Variants in TOM1L2 observed in about 807,000 individuals in gnomAD.
TOM1L2 encodes target of myb1 like 2 membrane trafficking protein.
A neutral mutation model predicts 67.9 loss-of-function variants in TOM1L2; 31 were observed. That is an observed-to-expected ratio of 0.46 (90% CI 0.34 to 0.62). The LOEUF (loss-of-function observed/expected upper bound fraction) is 0.62. Among genes scored for constraint, TOM1L2 ranks in the 20% least tolerant of loss-of-function variants. TOM1L2 has a pLI of 0.01. For missense variants in TOM1L2, 606 were observed against 663.5 expected, an observed-to-expected ratio of 0.91 and a Z score of 0.95; for synonymous variants, 256 against 254.0, an observed-to-expected ratio of 1.01 and a Z score of -0.07.
At chr17:17,862,521 G>C in intron 11 of TOM1L2, 1 of 524,836 alleles carries the variant, frequency 1.9e-6, no homozygotes, top group South Asian at 2.4e-5. Context: ...GGGCAGGAGA[G>C]TGTGTGTGTG....
At chr17:17,867,142 T>C (rs2036895891) in intron 8 of TOM1L2, among the ~76,000 whole-genome samples, 1 of 151,990 alleles carries the variant, frequency 6.6e-6, no homozygotes, top group African/African-American at 2.4e-5. Flanking sequence ...AGAGTGGGCA[T>C]CAGAAAGGGG....
intron 12 of TOM1L2, among the ~76,000 whole-genome samples, chr17:17,854,603 C>T (rs949504581): frequency 5.3e-5 from 8 of 152,164 alleles, no homozygotes; most frequent in South Asian, 2.1e-4. Flanking sequence ...CAGCTCACTG[C>T]GACCTCTGCT....
At chr17:17,967,859 C>T (rs1430323989) in intron 1 of TOM1L2, among the ~76,000 whole-genome samples, 2 of 152,134 alleles carry the variant, frequency 1.3e-5, no homozygotes, top group South Asian at 2.1e-4. Context: ...CCACCCGCCA[C>T]GGCCTCCCAA....
intron 1 of TOM1L2, among the ~76,000 whole-genome samples, chr17:17,917,904 G>A (rs1293269782): frequency 1.3e-5 from 2 of 151,770 alleles, no homozygotes; most frequent in Non-Finnish European, 2.9e-5. Context: ...GCACTGAGCC[G>A]TAATTGAGCC....
At chr17:17,924,446 T>A (rs932929311) in intron 1 of TOM1L2, among the ~76,000 whole-genome samples, 1 of 152,178 alleles carries the variant, frequency 6.6e-6, no homozygotes, top group African/African-American at 2.4e-5. Context: ...GAATTATATC[T>A]CAATAAAGCT....
intron 11 of TOM1L2, 84 bp downstream of exon 11, chr17:17,862,647 A>G: frequency 8.7e-7 from 1 of 1,153,332 alleles, no homozygotes; most frequent in South Asian, 1.4e-5. Flanking sequence ...TGGTAAATAA[A>G]TGCCTTTTTG....
chr17:17,957,338 T>A (rs1423577097), intron 1 of TOM1L2, among the ~76,000 whole-genome samples: 1 of 152,176 alleles, frequency 6.6e-6, no homozygotes, highest in Non-Finnish European at 1.5e-5. Context: ...CTTCAAAATA[T>A]CACTGGGATT....
chr17:17,970,083 C>T (rs190326813), intron 1 of TOM1L2, among the ~76,000 whole-genome samples: 2 of 152,128 alleles, frequency 1.3e-5, no homozygotes, highest in South Asian at 4.1e-4. Flanking sequence ...GAGACAGAGT[C>T]TCACTCTGTC....
At chr17:17,904,014 T>C (rs556939865) in intron 2 of TOM1L2, among the ~76,000 whole-genome samples, 1 of 152,024 alleles carries the variant, frequency 6.6e-6, no homozygotes, top group Non-Finnish European at 1.5e-5. Flanking sequence ...TTATTATTTT[T>C]AAGATATGGG....
chr17:17,943,962 A>T (rs1233164914), intron 1 of TOM1L2, among the ~76,000 whole-genome samples: 1 of 152,168 alleles, frequency 6.6e-6, no homozygotes, highest in African/African-American at 2.4e-5. Context: ...ACCAGAGAGC[A>T]GCTCAGATGT....
At chr17:17,913,281 G>C (rs998168963) in intron 1 of TOM1L2, among the ~76,000 whole-genome samples, 120 of 147,240 alleles carry the variant, frequency 8.1e-4, no homozygotes, top group Middle Eastern at 3.4e-3. Context: ...GGGAGAGGGA[G>C]AGCTGGATTT....
At chr17:17,852,864 T>TAAAAAAAA (rs552138706) in intron 12 of TOM1L2, among the ~76,000 whole-genome samples, 1 of 37,728 alleles carries the variant, frequency 2.7e-5, no homozygotes, top group Non-Finnish European at 5.3e-5. Flanking sequence ...AAACTCTGTC[T>TAAAAAAAA]AAAAAAAAAA....
intron 1 of TOM1L2, among the ~76,000 whole-genome samples, chr17:17,966,414 A>T (rs2041873107): frequency 1.3e-5 from 2 of 152,240 alleles, no homozygotes; most frequent in African/African-American, 4.8e-5. Flanking sequence ...GATAAAGAAA[A>T]GATTAAAGAA....
At chr17:17,869,580 C>T in intron 7 of TOM1L2, 107 bp from the exon 8 acceptor site, 2 of 1,435,168 alleles carry the variant, frequency 1.4e-6, no homozygotes, top group South Asian at 3.0e-5. Flanking sequence ...AAAAGGAGTA[C>T]ATGCTTGTTC....
intron 1 of TOM1L2, among the ~76,000 whole-genome samples, chr17:17,943,725 T>C (rs1224788680): frequency 3.3e-5 from 5 of 152,058 alleles, no homozygotes; most frequent in Non-Finnish European, 7.4e-5. Context: ...CCCCTAAGTA[T>C]TAAAAACCTC....
intron 4 of TOM1L2, among the ~76,000 whole-genome samples, chr17:17,892,910 T>C (rs2038366139): frequency 6.6e-6 from 1 of 152,180 alleles, no homozygotes; most frequent in Admixed American, 6.5e-5. Flanking sequence ...CCAACAGCCA[T>C]GTGGGTGCAC....
intron 4 of TOM1L2, among the ~76,000 whole-genome samples, chr17:17,890,550 T>C (rs772198251): frequency 2.6e-5 from 4 of 152,210 alleles, no homozygotes; most frequent in Non-Finnish European, 4.4e-5. Context: ...TAAACTGTAG[T>C]GTGTTCACAC....
chr17:17,860,399 T>C (rs754056131), intron 12 of TOM1L2, among the ~76,000 whole-genome samples: 1 of 152,220 alleles, frequency 6.6e-6, no homozygotes, highest in Non-Finnish European at 1.5e-5. Context: ...CGCCCTCTGG[T>C]GACCAGTGCA....
intron 6 of TOM1L2, among the ~76,000 whole-genome samples, 169 bp downstream of exon 6, chr17:17,882,536 C>A (rs1025977596): frequency 6.6e-6 from 1 of 152,216 alleles, no homozygotes; most frequent in Non-Finnish European, 1.5e-5. Context: ...TGACCACAAT[C>A]CATCATGACT....
Sources: allele counts gnomAD v4.1 joint callset (sites outside exome capture counted in the v4.1 genomes callset), GRCh38; gene constraint gnomAD v4.1.1; transcripts MANE v1.5; gene names NCBI Gene and HGNC (gene_info 2026-07-23, HGNC 2026-07-21).